NAV3: variants seen among roughly 807,000 people sequenced by gnomAD.
NAV3 encodes neuron navigator 3, also known as pore membrane and/or filament interacting like protein 1.
NAV3 carries 87 observed loss-of-function variants against 244.7 expected under a neutral mutation model. The ratio of observed to expected loss-of-function variants is 0.36; its 90% CI spans 0.30 to 0.42. The LOEUF is 0.42. Among genes scored for constraint, NAV3 ranks in the 20% least tolerant of loss-of-function variants. The pLI, the probability that NAV3 is intolerant of heterozygous loss-of-function variation, is 1.00. For missense variants in NAV3, 2,663 were observed against 2,893.3 expected, an observed-to-expected ratio of 0.92 and a Z score of 1.83; for synonymous variants, 1,126 against 1,042.2, an observed-to-expected ratio of 1.08 and a Z score of -1.55.
At chr12:78,102,703 G>T (rs758916300) in intron 12 of NAV3, among the ~76,000 whole-genome samples, 11 of 152,206 alleles carry the variant, frequency 7.2e-5, no homozygotes, top group Non-Finnish European at 1.3e-4. Flanking sequence ...TGAAATCTAG[G>T]TGGAGGTTCC....
intron 12 of NAV3, among the ~76,000 whole-genome samples, chr12:78,064,346 T>C (rs1884703172): frequency 6.6e-6 from 1 of 152,106 alleles, no homozygotes; most frequent in African/African-American, 2.4e-5. Flanking sequence ...TTTCATGCTG[T>C]ATTCTCACAT....
At chr12:77,765,652 A>G (rs990092990) in intron 2 of NAV3, among the ~76,000 whole-genome samples, 9 of 152,220 alleles carry the variant, frequency 5.9e-5, no homozygotes, top group African/African-American at 1.9e-4. Context: ...AACTATGACT[A>G]GAGCCTAGAG....
chr12:77,752,825 A>T lies in NAV3; in HGVS notation c.72+180559A>T, dbSNP rs1868930199. ...TCATCTCTCAAAATTGAATGCACAA[A>T]AAATACAACTACGTGACAATAAAAT... On this transcript the variant is annotated intron_variant, in intron 2 of 8. Coordinates refer to the NAV3 transcript ENST00000550042. Among the ~76,000 whole-genome samples, 4 of 152,194 alleles carry T rather than the reference A, an allele frequency of 2.6e-5. 1 individual carries two copies. In the South Asian group the frequency reaches 8.3e-4, roughly 32 times the overall value.
At chr12:78,126,489 A>G (rs939496160) in intron 16 of NAV3, among the ~76,000 whole-genome samples, 4 of 152,170 alleles carry the variant, frequency 2.6e-5, no homozygotes, top group Admixed American at 2.6e-4. Flanking sequence ...TTCTCTAGAC[A>G]TAGCTTTTCA....
intron 12 of NAV3, among the ~76,000 whole-genome samples, chr12:78,084,913 A>G (rs1953552015): frequency 6.6e-6 from 1 of 152,036 alleles, no homozygotes; most frequent in African/African-American, 2.4e-5. Context: ...CTCTTGTAAA[A>G]TTATTTATGA....
intron 2 of NAV3, among the ~76,000 whole-genome samples, chr12:77,739,918 C>G (rs1439725762): frequency 1.3e-5 from 2 of 152,098 alleles, no homozygotes; most frequent in African/African-American, 4.8e-5. Flanking sequence ...TAATGACTCA[C>G]ACAGTAATTT....
At chr12:77,665,502 C>A (rs1362671178) in intron 2 of NAV3, among the ~76,000 whole-genome samples, 1 of 152,062 alleles carries the variant, frequency 6.6e-6, no homozygotes, top group Non-Finnish European at 1.5e-5. Context: ...AATATTTATT[C>A]TCTTTTGTTA....
intron 2 of NAV3, among the ~76,000 whole-genome samples, chr12:77,703,308 A>G (rs1032795687): frequency 3.3e-5 from 5 of 152,058 alleles, no homozygotes; most frequent in African/African-American, 9.7e-5. Flanking sequence ...GTCTCCTTTC[A>G]CATAGCATAA....
At chr12:78,077,683 A>C (rs1318421073) in intron 12 of NAV3, among the ~76,000 whole-genome samples, 2 of 152,236 alleles carry the variant, frequency 1.3e-5, no homozygotes, top group Non-Finnish European at 2.9e-5. Flanking sequence ...CATGCCTATA[A>C]TCCCAGCACT....
intron 2 of NAV3, among the ~76,000 whole-genome samples, chr12:77,762,025 A>C (rs11106599): frequency 0.042 from 6,409 of 152,200 alleles, 441 homozygotes; most frequent in African/African-American, 0.14. Context: ...CTTGGAACCC[A>C]CCCAAATGCC....
At chr12:77,880,260 A>G (rs1479789753) in intron 1 of NAV3, among the ~76,000 whole-genome samples, 1 of 152,198 alleles carries the variant, frequency 6.6e-6, no homozygotes, top group Non-Finnish European at 1.5e-5. Flanking sequence ...AGATACCAGC[A>G]GGAAGCCTGA....
chr12:78,058,976 A>G lies in NAV3; in HGVS notation c.2517-20A>G, dbSNP rs1313581893. The G allele has an allele frequency of 6.3e-7, 1 of 1,574,998 alleles. No homozygotes were observed. ...GAGTTGATTTAGTTTTCTGTGAATT[A>G]ATTAGACATTTCTTTTCAGGTACAT... On this transcript the variant is annotated intron_variant, in intron 11 of 39. Coordinates refer to ENST00000397909, the MANE Select transcript of NAV3 (RefSeq NM_001024383.2).
chr12:77,766,735 G>GTTTTTTTTTTTTTTTTTTTTTTTTTT (rs748531378), intron 2 of NAV3, among the ~76,000 whole-genome samples: 4 of 60,514 alleles, frequency 6.6e-5, no homozygotes, highest in South Asian at 8.4e-4. Context: ...AGGCAATTAA[G>GTTTTTTTTTTTTTTTTTTTTTTTTTT]TTTTTTTTTT....
At chr12:77,597,039 C>CT (rs1349560140) in intron 2 of NAV3, among the ~76,000 whole-genome samples, 4 of 152,108 alleles carry the variant, frequency 2.6e-5, no homozygotes, top group Non-Finnish European at 5.9e-5. Context: ...TAATCACTTT[C>CT]TTTAACTCAA....
At chr12:78,000,629 G>A (rs1182594795) in intron 7 of NAV3, among the ~76,000 whole-genome samples, 7 of 137,102 alleles carry the variant, frequency 5.1e-5, no homozygotes, top group Admixed American at 3.8e-4. Flanking sequence ...TCAGCCTCCC[G>A]AGTAGCTGGG....
At chr12:78,139,817 G>A (rs1333306779) in intron 19 of NAV3, among the ~76,000 whole-genome samples, 1 of 151,924 alleles carries the variant, frequency 6.6e-6, no homozygotes, top group Non-Finnish European at 1.5e-5. Flanking sequence ...AGATAATGTT[G>A]TAATAACACA....
intron 18 of NAV3, among the ~76,000 whole-genome samples, chr12:78,134,026 C>T (rs755842755): frequency 6.6e-6 from 1 of 152,128 alleles, no homozygotes; most frequent in Non-Finnish European, 1.5e-5. Context: ...TTTCATCTTG[C>T]CACAAGGGTT....
At chr12:77,659,683 C>T (rs941192889) in intron 2 of NAV3, among the ~76,000 whole-genome samples, 1 of 152,094 alleles carries the variant, frequency 6.6e-6, no homozygotes, top group African/African-American at 2.4e-5. Flanking sequence ...CGGCACTATT[C>T]ACAATAGCAA....
At chr12:77,661,037 T>G (rs1873418665) in intron 2 of NAV3, among the ~76,000 whole-genome samples, 1 of 152,190 alleles carries the variant, frequency 6.6e-6, no homozygotes, top group African/African-American at 2.4e-5. Flanking sequence ...TTATGAATAA[T>G]GCTGCCATAA....
Sources: allele counts gnomAD v4.1 joint callset (sites outside exome capture counted in the v4.1 genomes callset), GRCh38; gene constraint gnomAD v4.1.1; transcripts MANE v1.5; gene names NCBI Gene and HGNC (gene_info 2026-07-23, HGNC 2026-07-21).